Variants in AKAP11 observed in about 807,000 individuals in gnomAD.
The protein encoded by AKAP11 is A-kinase anchor protein 11.
In AKAP11, 36 loss-of-function variants were observed where a neutral mutation model predicts 146.1. That is an observed-to-expected ratio of 0.25 (90% CI 0.19 to 0.33). The LOEUF is 0.33. AKAP11 is among the 10% of genes least tolerant of loss of function. The probability of loss-of-function intolerance (pLI) is 1.00; values close to 1 mark genes in which losing one functional copy is unlikely to be tolerated. For missense variants in AKAP11, 2,201 were observed against 2,197.0 expected (o/e 1.00, Z -0.04); for synonymous variants, 780 against 786.5 (o/e 0.99, Z 0.14).
At chr13:42,312,592 C>G (rs534546881) in intron 9 of AKAP11, among the ~76,000 whole-genome samples, 7 of 152,300 alleles carry the variant, frequency 4.6e-5, no homozygotes, top group African/African-American at 1.4e-4. Context: ...CCATCTCCCC[C>G]CAACATCCCC....
chr13:42,315,509 G>A (rs1555294520), intron 11 of AKAP11, among the ~76,000 whole-genome samples: 1 of 151,624 alleles, frequency 6.6e-6, no homozygotes, highest in African/African-American at 2.4e-5. Context: ...ATAAATGCAT[G>A]TGGTTACGTA....
chr13:42,274,584 T>G (rs1958868786), intron 1 of AKAP11, among the ~76,000 whole-genome samples: 1 of 151,154 alleles, frequency 6.6e-6, no homozygotes, highest in South Asian at 2.1e-4. Flanking sequence ...GTCGAGAGGC[T>G]GAGGCACAAG....
intron 1 of AKAP11, among the ~76,000 whole-genome samples, chr13:42,283,938 CT>C (rs1284948068): frequency 6.6e-6 from 1 of 152,112 alleles, no homozygotes; most frequent in Non-Finnish European, 1.5e-5. Flanking sequence ...ATCTAGATTG[CT>C]TCGTATTTCT....
At chr13:42,319,031 A>G in intron 12 of AKAP11, 57 bp from the exon 13 acceptor site, 9 of 1,526,778 alleles carry the variant, frequency 5.9e-6, no homozygotes, top group South Asian at 1.2e-5. Flanking sequence ...AAATAAAAAT[A>G]AAAGCTTTGT....
At chr13:42,291,263 T>C (rs549122522) in intron 3 of AKAP11, among the ~76,000 whole-genome samples, 1 of 152,266 alleles carries the variant, frequency 6.6e-6, no homozygotes, top group South Asian at 2.1e-4. Flanking sequence ...TATATGTTTT[T>C]TGTTTTCGAG....
intron 5 of AKAP11, among the ~76,000 whole-genome samples, chr13:42,296,504 A>G (rs1274193411): frequency 6.6e-6 from 1 of 152,142 alleles, no homozygotes; most frequent in Non-Finnish European, 1.5e-5. Context: ...TTAGCTGGGT[A>G]AAATATTTGT....
At chr13:42,305,854 T>TA (rs1327442329) in intron 8 of AKAP11, among the ~76,000 whole-genome samples, 1 of 152,162 alleles carries the variant, frequency 6.6e-6, no homozygotes, top group Non-Finnish European at 1.5e-5. Flanking sequence ...TCAGGAGACT[T>TA]ACAGTCATGG....
Position 42,301,813 on chromosome 13 carries a change from C to T in AKAP11, c.3067C>T (p.Leu1023=). Residue 1023 remains leucine (L), a synonymous_variant, in exon 8 of 13, where the codon CTG becomes TTG. Coordinates refer to ENST00000025301, the MANE Select transcript of AKAP11 (RefSeq NM_016248.4). ...GGTTCATGGATCCTCCCTAGAGACA[C>T]TGCCATCTTGTCCAGCTGTGACAGG... is the stretch of plus-strand genomic sequence containing the variant. ...SMVHGSSLET[L]PSCPAVTGQK... is the part of the protein sequence containing the mutation. 6.2e-7 allele frequency: 1 copy of T among 1,614,132 alleles called. No individual in the cohort carries two copies. The highest frequency in any genetic ancestry group is 8.5e-7 in the Non-Finnish European group (1 of 1,179,998).
In AKAP11 at chr13:42,301,646, A is replaced by T; in HGVS notation, c.2900A>T (p.Tyr967Phe). The change falls in exon 8 of 13, where the codon TAC (tyrosine) becomes TTC (phenylalanine). Residue 967 changes from tyrosine (Y) to phenylalanine (F), a missense_variant. By Grantham distance (22) the Tyr-to-Phe change is conservative (BLOSUM62 3). Around this residue, in one of 3 missense-constraint regions of AKAP11, gnomAD observed 1,867 missense variants for 1,833.5 expected, o/e 1.02. Transcript: ENST00000025301. ...VIPNIDKNAV[Y>F]KESLPVSGEE... Reference sequence around the variant, plus strand: ...CCAAATATAGATAAAAATGCAGTATACAAGGAAAGCTTGCCTGTTTCTGGA... The same window carrying T: ...CCAAATATAGATAAAAATGCAGTATTCAAGGAAAGCTTGCCTGTTTCTGGA... 1 of 1,614,146 alleles carries T rather than the reference A, an allele frequency of 6.2e-7. No homozygotes were observed. Among genetic ancestry groups the T allele is most frequent in the Non-Finnish European group, 8.5e-7 (1 of 1,180,002 alleles).
chr13:42,314,517 C>T (rs1338557560), intron 11 of AKAP11, among the ~76,000 whole-genome samples: 2 of 148,832 alleles, frequency 1.3e-5, no homozygotes, highest in East Asian at 3.9e-4. Flanking sequence ...AGATTAATTA[C>T]AGTCTCTCTA....
chr13:42,288,126 A>T (rs1959180283), intron 3 of AKAP11, among the ~76,000 whole-genome samples: 1 of 152,190 alleles, frequency 6.6e-6, no homozygotes, highest in South Asian at 2.1e-4. Context: ...TTAATGTCAG[A>T]CACTTCCCTA....
At position 42,302,042 on chromosome 13, in the gene AKAP11, A is replaced by G. The variant is rs865987910; in HGVS notation, c.3296A>G (p.Asp1099Gly). ...GTCAGAGACAGAAATGTAATACCTG[A>G]TACTCCTCCATCAACTCCTCTAGTA... ...QKVRDRNVIP[D>G]TPPSTPLVPS... The change falls in exon 8 of 13, where the codon GAT becomes GGT. Residue 1099 changes from aspartate (D) to glycine (G), a missense_variant. Physicochemically the swap from Asp to Gly is moderately conservative, Grantham distance 94. This residue lies in a region of AKAP11 where 1,867 missense variants were observed against 1,833.5 expected (regional missense o/e 1.02). Coordinates refer to ENST00000025301, the MANE Select transcript of AKAP11 (RefSeq NM_016248.4). 1.9e-6 allele frequency: 3 copies of G among 1,614,002 alleles called. No individual in the cohort carries two copies. The highest frequency in any genetic ancestry group is 2.5e-6 in the Non-Finnish European group (3 of 1,180,010).
intron 8 of AKAP11, 78 bp downstream of exon 8, chr13:42,303,941 C>T (rs1960116862): frequency 1.4e-6 from 2 of 1,444,520 alleles, no homozygotes; most frequent in African/African-American, 2.9e-5. Flanking sequence ...AGGTCCTGTT[C>T]ATAAAGGAAT....
Position 42,306,298 on chromosome 13 carries a change from C to T in AKAP11, c.5118-2156C>T, listed in dbSNP as rs80175662. On this transcript the variant is annotated intron_variant, in intron 8 of 12. Coordinates refer to ENST00000025301, the MANE Select transcript of AKAP11 (RefSeq NM_016248.4). ...TCAGGCTATTTTACTTTTTACTCCTCCTCAGTTCAGTCCTGTCTGCCCTAC... is the reference window on the plus strand; with the variant it reads ...TCAGGCTATTTTACTTTTTACTCCTTCTCAGTTCAGTCCTGTCTGCCCTAC... Among the ~76,000 whole-genome samples the T allele has an allele frequency of 7.2e-5, 11 of 152,308 alleles. No individual in the cohort carries two copies. In the East Asian group the frequency reaches 2.1e-3, roughly 29 times the overall value.
intron 5 of AKAP11, 57 bp downstream of exon 5, chr13:42,295,799 G>A: frequency 6.5e-7 from 1 of 1,529,488 alleles, no homozygotes; most frequent in Non-Finnish European, 9.0e-7. Flanking sequence ...TCAGCTTTAG[G>A]TTTGACCACA....
At chr13:42,293,035 G>A (rs1959289107) in intron 4 of AKAP11, among the ~76,000 whole-genome samples, 1 of 152,000 alleles carries the variant, frequency 6.6e-6, no homozygotes. Flanking sequence ...ATCTTTGTTT[G>A]AATTTATTAT....
In AKAP11 at chr13:42,300,899, TTAGTGTCTCTACGGATAA is replaced by T. The variant is rs1959844537; in HGVS notation, c.2156_2173del (p.Ser719_Asn724del). 2.5e-6 allele frequency: 4 copies of T among 1,614,022 alleles called. No homozygotes were observed. In the East Asian group the frequency reaches 6.7e-5, roughly 27 times the overall value. The stretch of plus-strand genomic sequence containing the variant: ...GTGACCTTTACAACAAAGGCAGCAG[TTAGTGTCTCTACGGATAA>T]TATCAAGTATGTGAGTGCAGAAAGT... On this transcript the variant is annotated inframe_deletion, in exon 8 of 13. Coordinates refer to ENST00000025301, the MANE Select transcript of AKAP11 (RefSeq NM_016248.4).
chr13:42,290,951 A>T (rs772422464), intron 3 of AKAP11, among the ~76,000 whole-genome samples: 2 of 152,214 alleles, frequency 1.3e-5, no homozygotes, highest in Non-Finnish European at 2.9e-5. Flanking sequence ...TTGCCACTGA[A>T]GGTCATTGTT....
In AKAP11 at chr13:42,298,786, C is replaced by A; in HGVS notation, c.605C>A (p.Pro202Gln). 7.1e-6 allele frequency: 11 copies of A among 1,557,508 alleles called. No homozygotes were observed. Among genetic ancestry groups the A allele is most frequent in the Non-Finnish European group, 9.5e-6 (11 of 1,162,886 alleles). Residue 202 changes from proline (P) to glutamine (Q), a missense_variant, in exon 7 of 13, where the codon CCA becomes CAA. Pro to Gln is a moderately conservative substitution (Grantham distance 76). This residue lies in a region of AKAP11 where 331 missense variants were observed against 347.4 expected (regional missense o/e 0.95). Coordinates refer to ENST00000025301, the MANE Select transcript of AKAP11 (RefSeq NM_016248.4). ...EHLEEEETSKPYNDGMNITVL... is the reference protein window; with the variant it reads ...EHLEEEETSKQYNDGMNITVL... ...TTAGAAGAGGAAGAGACTTCAAAGC[C>A]ATACAATGATGGTTTGTTTTTCATT...
Sources: gnomAD v4.1 joint callset for allele counts (sites outside exome capture counted in the v4.1 genomes callset) on GRCh38, gnomAD v4.1.1 for gene constraint, gnomAD v4.1.1 regional missense constraint, MANE v1.5 for transcripts, NCBI Gene and HGNC (gene_info 2026-07-23, HGNC 2026-07-21) for gene names.